Variants in DOK4 observed in about 807,000 individuals in gnomAD.
The protein encoded by DOK4 is downstream of tyrosine kinase 4.
Under a neutral mutation model 40.1 loss-of-function variants are expected in DOK4, and 26 were observed. That is an observed-to-expected ratio of 0.65 (90% CI 0.48 to 0.90). DOK4 has a LOEUF of 0.90. Ranked by LOEUF, DOK4 falls within the 40% of genes least tolerant of loss-of-function variation. DOK4 has a pLI of 0.00. For synonymous variants in DOK4, 179 were observed against 177.0 expected (o/e 1.01, Z -0.09); for missense variants, 392 against 437.2 (o/e 0.90, Z 0.92).
chr16:57,474,591 A>C, intron 6 of DOK4: 1 of 680,418 alleles, frequency 1.5e-6, no homozygotes, highest in East Asian at 2.8e-5. Context: ...AAATAGCTTC[A>C]CTTGACCTGC....
At chr16:57,475,796 CT>C in intron 3 of DOK4, 53 bp downstream of exon 3, 1 of 1,493,980 alleles carries the variant, frequency 6.7e-7, no homozygotes, top group Non-Finnish European at 9.2e-7. Context: ...CTCTCTCTCT[CT>C]CCATCCCCCA....
exon 9 of DOK4, chr16:57,472,571 C>T (rs2030906927): frequency 6.6e-6 from 1 of 152,602 alleles, no homozygotes; most frequent in African/African-American, 2.4e-5. Flanking sequence ...GGGGTGCTCC[C>T]CACGGCAGTC....
rs775318809 is a variant in DOK4, at chr16:57,474,051, G to C, written c.600-12C>G. ...CAGCATCACACATCCTGGGGACACAGCACAGAGGGCAAGATGGTGGGGACC... is the reference window on the plus strand; with the variant it reads ...CAGCATCACACATCCTGGGGACACACCACAGAGGGCAAGATGGTGGGGACC... On this transcript the variant is annotated splice_polypyrimidine_tract_variant and intron_variant, in intron 6 of 8. Coordinates refer to ENST00000340099, the Ensembl canonical transcript of DOK4. The C allele has an allele frequency of 3.1e-6, 5 of 1,613,626 alleles. No individual in the cohort carries two copies. In the Admixed American group the frequency reaches 8.3e-5, roughly 27 times the overall value.
intron 2 of DOK4, among the ~76,000 whole-genome samples, chr16:57,477,396 T>C (rs2031227639): frequency 6.6e-6 from 1 of 152,262 alleles, no homozygotes; most frequent in African/African-American, 2.4e-5. Flanking sequence ...CACTGAATTT[T>C]ATCCACAGAA....
chr16:57,474,845 A>T (rs1873267482), exon 6 of DOK4: 1 of 1,614,174 alleles, frequency 6.2e-7, no homozygotes, highest in Non-Finnish European at 8.5e-7. Context: ...CGGCGCAGTG[A>T]GCAGAGGGGC....
rs749268216 is a variant in DOK4 at position 57,474,941 on chromosome 16, C to T, written c.451G>A (p.Val151Met). 1.2e-5 allele frequency: 20 copies of T among 1,613,292 alleles called. No individual in the cohort carries two copies. Among genetic ancestry groups the T allele is most frequent in the Admixed American group, 6.7e-5 (4 of 59,968 alleles). ...ATCTGCAGCTTGCACTCGCCATACA[C>T]GTCCAGGTTGGGGCAGGGCAGCAGG... is the stretch of plus-strand genomic sequence containing the variant. Residue 151 changes from valine to methionine, a missense_variant, in exon 6 of 9, where the codon GTG becomes ATG. Coordinates refer to ENST00000340099, the Ensembl canonical transcript of DOK4.
At chr16:57,476,015 T>A in intron 2 of DOK4, 58 bp from the exon 3 acceptor site, 1 of 1,432,158 alleles carries the variant, frequency 7.0e-7, no homozygotes, top group Non-Finnish European at 9.6e-7. Flanking sequence ...CCCACCAGCA[T>A]GGCCCTGCAG....
At chr16:57,486,552 G>A (rs1433517837), upstream of DOK4, 3 of 150,858 alleles carry the variant, frequency 2.0e-5, no homozygotes, top group Non-Finnish European at 4.5e-5. Context: ...CCCCGCCCTG[G>A]CGGCCGGCCC....
At chr16:57,483,651 TA>T (rs749167681) in intron 1 of DOK4, among the ~76,000 whole-genome samples, 1 of 151,792 alleles carries the variant, frequency 6.6e-6, no homozygotes. Context: ...AAAAATCAAT[TA>T]AAAAAATACA....
intron 3 of DOK4, 77 bp from the exon 4 acceptor site, chr16:57,475,697 C>CTCTCTCTCTCTCTCT: frequency 3.4e-6 from 1 of 293,708 alleles, no homozygotes; most frequent in Non-Finnish European, 5.8e-6. Context: ...TCTCTCTCTC[C>CTCTCTCTCTCTCTCT]CTCCCTCCCT....
At chr16:57,484,241 ATCTT>A (rs2031488735) in intron 1 of DOK4, 1 of 152,240 alleles carries the variant, frequency 6.6e-6, no homozygotes, top group Non-Finnish European at 1.5e-5. Context: ...GACAGATCGG[ATCTT>A]ATCAGGGCTG....
intron 1 of DOK4, among the ~76,000 whole-genome samples, chr16:57,483,271 T>G (rs1376365044): frequency 6.6e-6 from 1 of 152,072 alleles, no homozygotes; most frequent in African/African-American, 2.4e-5. Flanking sequence ...CCAGAAGGAA[T>G]GCACTGTGTT....
Position 57,473,739 on chromosome 16 carries a change from G to A in DOK4, c.739-3C>T, listed in dbSNP as rs779138754. On this transcript the variant is annotated splice_polypyrimidine_tract_variant and splice_region_variant and intron_variant, in intron 7 of 8. Transcript: ENST00000340099. ...TGTTCCGTGCCCTTGTTCAGCAGCT[G>A]TGGGGCAAAGGAAGGGGTCACTCCC... 86 of 1,607,970 alleles carry A rather than the reference G, an allele frequency of 5.3e-5. 3 individuals are homozygous for A. The South Asian group carries it at 9.5e-4, about 18-fold the overall frequency.
intron 3 of DOK4, 28 bp downstream of exon 3, chr16:57,475,822 G>A (rs1009993704): frequency 4.4e-6 from 7 of 1,584,792 alleles, no homozygotes; most frequent in South Asian, 4.4e-5. Context: ...CCTGCCACTT[G>A]GGGGAGCTAG....
chr16:57,476,013 C>G, intron 2 of DOK4, 56 bp from the exon 3 acceptor site: 1 of 1,442,616 alleles, frequency 6.9e-7, no homozygotes, highest in Non-Finnish European at 9.5e-7. Flanking sequence ...ACCCCACCAG[C>G]ATGGCCCTGC....
At chr16:57,473,214 C>T in exon 9 of DOK4, 3 of 1,086,638 alleles carry the variant, frequency 2.8e-6, no homozygotes, top group Non-Finnish European at 3.8e-6. Flanking sequence ...TGTGGCCAGC[C>T]CTTTGCCTCA....
At chr16:57,474,724 C>T (rs2031060862) in intron 6 of DOK4, 69 bp downstream of exon 6, 3 of 1,567,210 alleles carry the variant, frequency 1.9e-6, no homozygotes, top group Admixed American at 1.8e-5. Flanking sequence ...GCACAGTGCC[C>T]AACACAGAGT....
chr16:57,482,237 C>T (rs2031435044), intron 1 of DOK4, among the ~76,000 whole-genome samples: 1 of 152,034 alleles, frequency 6.6e-6, no homozygotes, highest in Non-Finnish European at 1.5e-5. Context: ...TCACGGCTTA[C>T]GGCAGCCTCA....
At chr16:57,474,769 G>T in intron 6 of DOK4, 24 bp downstream of exon 6, 1 of 1,610,150 alleles carries the variant, frequency 6.2e-7, no homozygotes, top group Non-Finnish European at 8.5e-7. Flanking sequence ...AGTAGGACAG[G>T]GCTGGGAGGC....
Sources: allele counts gnomAD v4.1 joint callset (sites outside exome capture counted in the v4.1 genomes callset), GRCh38; gene constraint gnomAD v4.1.1; transcripts MANE v1.5; gene names NCBI Gene and HGNC (gene_info 2026-07-23, HGNC 2026-07-21).